PRPF8: variants seen among roughly 807,000 people sequenced by gnomAD.
PRPF8 encodes the protein pre-mRNA-processing-splicing factor 8.
A neutral mutation model predicts 285.9 loss-of-function variants in PRPF8; 64 were observed. That is an observed-to-expected ratio of 0.22 (90% CI 0.18 to 0.28). The LOEUF (loss-of-function observed/expected upper bound fraction) is 0.28, where lower values mean the gene tolerates loss of function less well. Ranked by LOEUF, PRPF8 falls within the 10% of genes least tolerant of loss-of-function variation. The probability of loss-of-function intolerance (pLI) is 1.00; values close to 1 mark genes in which losing one functional copy is unlikely to be tolerated. For missense variants in PRPF8, 1,426 were observed against 3,026.7 expected (o/e 0.47, Z 12.41); for synonymous variants, 1,325 against 1,118.2 (o/e 1.18, Z -3.69).
Position 1,658,390 on chromosome 17 carries a change from G to A in PRPF8, c.5377-9C>T, listed in dbSNP as rs1404071994. Reference sequence around the variant, plus strand: ...AAGTTCCCTTCAAAGGTCTAGAGGAGGACGGCATTCGTTAGCATGGCCTAC... The same window carrying A: ...AAGTTCCCTTCAAAGGTCTAGAGGAAGACGGCATTCGTTAGCATGGCCTAC... On this transcript the variant is annotated splice_polypyrimidine_tract_variant and intron_variant, in intron 33 of 42. Coordinates refer to ENST00000304992, the MANE Select transcript of PRPF8 (RefSeq NM_006445.4). The surrounding 1 kb of genome is among the most constrained non-coding windows in gnomAD (Gnocchi z 4.1). 1 of 1,614,176 alleles carries A rather than the reference G, an allele frequency of 6.2e-7. No homozygotes were observed. Among genetic ancestry groups the A allele is most frequent in the African/African-American group, 1.3e-5 (1 of 75,034 alleles).
chr17:1,674,053 T>C (rs1018659310), intron 21 of PRPF8, among the ~76,000 whole-genome samples, 161 bp from the exon 22 acceptor site: 3 of 151,812 alleles, frequency 2.0e-5, no homozygotes, highest in Non-Finnish European at 2.9e-5. Context: ...TGAGACAGTC[T>C]CGCTCTTTCC....
intron 2 of PRPF8, among the ~76,000 whole-genome samples, 187 bp from the exon 3 acceptor site, chr17:1,683,888 C>CTTTT: frequency 7.1e-6 from 1 of 140,508 alleles, no homozygotes; most frequent in African/African-American, 2.6e-5. Context: ...CACTATCTGA[C>CTTTT]TTTTTTTTTT....
intron 24 of PRPF8, among the ~76,000 whole-genome samples, chr17:1,663,201 G>GA (rs1911771151): frequency 6.6e-6 from 1 of 151,052 alleles, no homozygotes; most frequent in Admixed American, 6.6e-5. Context: ...CAAACAATAA[G>GA]AAAAAAACCA....
intron 14 of PRPF8, 157 bp from the exon 15 acceptor site, chr17:1,677,329 A>G: frequency 1.0e-6 from 1 of 965,496 alleles, no homozygotes; most frequent in Non-Finnish European, 1.6e-6. Context: ...GAGCTACCTT[A>G]AACATTCACA....
Position 1,659,705 on chromosome 17 carries a change from T to G in PRPF8, c.4946+136A>C. ...GAATCAGCAGATCTGACTAAGGGTGTTGACAGGCTCCAAGCGTAGCACTGG... is the reference window on the plus strand; with the variant it reads ...GAATCAGCAGATCTGACTAAGGGTGGTGACAGGCTCCAAGCGTAGCACTGG... On this transcript the variant is annotated intron_variant, in intron 31 of 42. Transcript: ENST00000304992. The surrounding 1 kb of genome is among the most constrained non-coding windows in gnomAD (Gnocchi z 5.1). 8 of 1,366,484 alleles carry G rather than the reference T, an allele frequency of 5.9e-6. No individual in the cohort carries two copies. The highest frequency in any genetic ancestry group is 8.1e-6 in the Non-Finnish European group (8 of 983,084). 84.6% of individuals were successfully genotyped at this position (1,366,484 alleles called of 1,614,324 possible). A position where few individuals can be genotyped will look rare whatever the true frequency, so the allele number is the denominator to read the frequency against.
Position 1,653,765 on chromosome 17 carries a change from G to T in PRPF8, c.6227+12C>A. The T allele has an allele frequency of 6.2e-7, 1 of 1,614,068 alleles. No homozygotes were observed. The highest frequency in any genetic ancestry group is 8.5e-7 in the Non-Finnish European group (1 of 1,180,016). The stretch of plus-strand genomic sequence containing the variant: ...CCGGCCTTTCCATCCCCACCCTCTT[G>T]CCCGACAGTACCTGACCCTCCACTC... On this transcript the variant is annotated intron_variant, in intron 38 of 42. Coordinates refer to ENST00000304992, the MANE Select transcript of PRPF8 (RefSeq NM_006445.4). The surrounding 1 kb of genome is among the most constrained non-coding windows in gnomAD (Gnocchi z 4.9).
Position 1,681,036 on chromosome 17 carries a change from T to C in PRPF8, c.885A>G (p.Glu295=), listed in dbSNP as rs572881260. The change falls in exon 7 of 43, where the codon GAA becomes GAG. Residue 295 remains glutamate (E), a synonymous_variant. Coordinates refer to ENST00000304992, the MANE Select transcript of PRPF8 (RefSeq NM_006445.4). ...DINLQDEDWN[E]FNDINKIIIR... The stretch of plus-strand genomic sequence containing the variant: ...TGATAATCTTGTTAATATCATTGAA[T>C]TCATTCCAGTCTTCATCCCTAGGGT... The C allele has an allele frequency of 4.3e-6, 7 of 1,613,662 alleles. No homozygotes were observed. In the East Asian group the frequency reaches 6.7e-5, roughly 15 times the overall value.
At position 1,673,350 on chromosome 17, in the gene PRPF8, G is replaced by A; in HGVS notation, c.3657+7C>T. On this transcript the variant is annotated splice_region_variant and intron_variant, in intron 23 of 42. Coordinates refer to ENST00000304992, the MANE Select transcript of PRPF8 (RefSeq NM_006445.4). The surrounding 1 kb of genome is among the most constrained non-coding windows in gnomAD (Gnocchi z 5.5). ...TCATGTCACTCCCAGCCCCGCCCAG[G>A]CTGTACCTCATTCTGCAGGTTCCAG... The A allele has an allele frequency of 6.8e-6, 11 of 1,613,824 alleles. No individual in the cohort carries two copies. The highest frequency in any genetic ancestry group is 8.5e-6 in the Non-Finnish European group (10 of 1,179,956).
intron 24 of PRPF8, among the ~76,000 whole-genome samples, chr17:1,663,302 TA>T (rs74265482): frequency 0.026 from 3,812 of 149,068 alleles, 68 homozygotes; most frequent in Middle Eastern, 0.041. Context: ...AAAAATAATT[TA>T]AAAAAAAAAG....
chr17:1,669,763 C>T (rs1912205284), intron 24 of PRPF8, among the ~76,000 whole-genome samples: 1 of 152,200 alleles, frequency 6.6e-6, no homozygotes, highest in African/African-American at 2.4e-5. Context: ...ATTCTGGACA[C>T]GTGTTCCTGA....
Position 1,651,354 on chromosome 17 carries a change from C to G in PRPF8, c.6651-44G>C, listed in dbSNP as rs1332102095. 3 of 1,614,052 alleles carry G rather than the reference C, an allele frequency of 1.9e-6. No homozygotes were observed. The East Asian group carries it at 6.7e-5, about 36-fold the overall frequency. On this transcript the variant is annotated intron_variant, in intron 41 of 42. Transcript: ENST00000304992. This position sits in a 1 kb window ranked among gnomAD's most constrained non-coding sequence, Gnocchi z 5.1. ...CAGAGTAACAGCTCAGGCCACTGTT[C>G]TGGGCCCTGGCCTGCAATCCCTGCC...
Position 1,660,135 on chromosome 17 carries a change from G to C in PRPF8, c.4786-134C>G, listed in dbSNP as rs886607487. 29 of 1,150,174 alleles carry C rather than the reference G, an allele frequency of 2.5e-5. No homozygotes were observed. In the African/African-American group the frequency reaches 4.1e-4, roughly 16 times the overall value. The allele number at this position is 1,150,174 out of a possible 1,614,324, so 71.2% of individuals were successfully genotyped here. On this transcript the variant is annotated intron_variant, in intron 30 of 42. Transcript: ENST00000304992. The stretch of plus-strand genomic sequence containing the variant: ...GGGTGGATTTCCCATATGCAAAAGA[G>C]CAAGCTGAGCTGACTCTGTACAGCA...
chr17:1,684,724 C>G (rs1246308910), intron 1 of PRPF8, 56 bp downstream of exon 1: 1 of 766,358 alleles, frequency 1.3e-6, no homozygotes, highest in Non-Finnish European at 2.2e-6. Flanking sequence ...CCTTCGGTCA[C>G]TCGGCCCGAC....
intron 24 of PRPF8, among the ~76,000 whole-genome samples, chr17:1,665,344 C>G (rs747003874): frequency 3.3e-5 from 5 of 150,302 alleles, no homozygotes; most frequent in Non-Finnish European, 5.9e-5. Context: ...TCAAGACCAT[C>G]CCAGCTAACA....
At chr17:1,668,850 A>G (rs1402706698) in intron 24 of PRPF8, among the ~76,000 whole-genome samples, 1 of 152,126 alleles carries the variant, frequency 6.6e-6, no homozygotes, top group East Asian at 1.9e-4. Flanking sequence ...TGAGCTCCCA[A>G]CACACCTTCC....
At chr17:1,684,373 C>T (rs1913113323) in intron 2 of PRPF8, 99 bp downstream of exon 2, 1 of 1,181,508 alleles carries the variant, frequency 8.5e-7, no homozygotes, top group Admixed American at 1.8e-5. Context: ...GGAGCTGACA[C>T]CTCAGGAGCT....
chr17:1,679,763 C>T lies in PRPF8; in HGVS notation c.1135G>A (p.Glu379Lys), dbSNP rs779976724. ...EPLPDDDEEFELPEFVEPFLK... is the reference protein window; with the variant it reads ...EPLPDDDEEFKLPEFVEPFLK... ...AAGGGCTCCACAAACTCCGGGAGCT[C>T]AAATTCCTCATCATCATCCGGCAAT... Residue 379 changes from glutamate to lysine, a missense_variant, in exon 9 of 43, where the codon GAG becomes AAG. By Grantham distance (56) the Glu-to-Lys change is moderately conservative. This residue lies in a region of PRPF8 where 137 missense variants were observed against 161.2 expected (regional missense o/e 0.85). Transcript: ENST00000304992. This position sits in a 1 kb window ranked among gnomAD's most constrained non-coding sequence, Gnocchi z 4.7. The T allele has an allele frequency of 6.2e-7, 1 of 1,614,158 alleles. No individual in the cohort carries two copies. Among genetic ancestry groups the T allele is most frequent in the Non-Finnish European group, 8.5e-7 (1 of 1,180,040 alleles).
chr17:1,677,119 G>A lies in PRPF8; in HGVS notation c.2038C>T (p.His680Tyr). 1 of 1,613,910 alleles carries A rather than the reference G, an allele frequency of 6.2e-7. No homozygotes were observed. The highest frequency in any genetic ancestry group is 8.5e-7 in the Non-Finnish European group (1 of 1,180,002). Reference protein sequence around the residue: ...KTVTKQRVESHFDLELRAAVM... With the variant: ...KTVTKQRVESYFDLELRAAVM... ...GCTGCCCGCAGCTCAAGGTCAAAATGTGACTCCACTCGCTGCTTTGTTACT... is the reference window on the plus strand; with the variant it reads ...GCTGCCCGCAGCTCAAGGTCAAAATATGACTCCACTCGCTGCTTTGTTACT... The change falls in exon 15 of 43, where the codon CAT (histidine) becomes TAT (tyrosine). Residue 680 changes from histidine to tyrosine, a missense_variant. Physicochemically the swap from His to Tyr is moderately conservative, Grantham distance 83. Transcript: ENST00000304992.
At chr17:1,668,871 A>G (rs1027443583) in intron 24 of PRPF8, among the ~76,000 whole-genome samples, 3 of 151,996 alleles carry the variant, frequency 2.0e-5, no homozygotes, top group Non-Finnish European at 4.4e-5. Flanking sequence ...AATCCCTCTC[A>G]GTTTCTTCAG....
Sources: allele counts gnomAD v4.1 joint callset (sites outside exome capture counted in the v4.1 genomes callset), GRCh38; gene constraint gnomAD v4.1.1; regional missense constraint gnomAD v4.1.1; non-coding constraint Gnocchi (gnomAD v3.1); transcripts MANE v1.5; gene names NCBI Gene and HGNC (gene_info 2026-07-23, HGNC 2026-07-21).